The following PRORP variants were observed in gnomAD, a reference collection of about 807,000 sequenced individuals.
PRORP encodes protein only RNase P catalytic subunit.
In PRORP, 51 loss-of-function variants were observed where a neutral mutation model predicts 59.4. The ratio of observed to expected loss-of-function variants is 0.86; its 90% CI spans 0.69 to 1.08. The LOEUF (loss-of-function observed/expected upper bound fraction) is 1.08, where lower values mean the gene tolerates loss of function less well. Among genes scored for constraint, PRORP ranks in the 50% least tolerant of loss-of-function variants. The pLI, the probability that PRORP is intolerant of heterozygous loss-of-function variation, is 0.00. For missense variants in PRORP, 646 were observed against 690.3 expected (o/e 0.94, Z 0.72); for synonymous variants, 231 against 245.6 (o/e 0.94, Z 0.55).
chr14:35,149,052 G>A (rs2047679462), intron 4 of PRORP, among the ~76,000 whole-genome samples: 2 of 147,598 alleles, frequency 1.4e-5, no homozygotes, highest in African/African-American at 5.0e-5. Flanking sequence ...CCGAGTAGCT[G>A]GGACAACAGG....
At chr14:35,164,792 C>T (rs2048142998) in intron 4 of PRORP, among the ~76,000 whole-genome samples, 1 of 152,032 alleles carries the variant, frequency 6.6e-6, no homozygotes, top group Non-Finnish European at 1.5e-5. Context: ...AAGAAAAATC[C>T]TTCATTAGAC....
At chr14:35,200,839 T>A (rs907344553) in intron 5 of PRORP, among the ~76,000 whole-genome samples, 2 of 152,184 alleles carry the variant, frequency 1.3e-5, no homozygotes, top group African/African-American at 4.8e-5. Context: ...AGTGAACCAA[T>A]ATTGATATAT....
chr14:35,223,672 G>A (rs2049857093), intron 5 of PRORP, among the ~76,000 whole-genome samples: 1 of 151,932 alleles, frequency 6.6e-6, no homozygotes, highest in African/African-American at 2.4e-5. Context: ...TGTTAGCCAG[G>A]ATGGTCTTGA....
chr14:35,218,459 TAAAAAAAGA>T (rs1273532008), intron 5 of PRORP, among the ~76,000 whole-genome samples: 12 of 44,778 alleles, frequency 2.7e-4, no homozygotes, highest in Middle Eastern at 0.025. Flanking sequence ...AGATCCTGTC[TAAAAAAAGA>T]AAAAAAAAAA....
intron 5 of PRORP, among the ~76,000 whole-genome samples, chr14:35,248,739 A>T (rs537232429): frequency 1.3e-5 from 2 of 152,378 alleles, no homozygotes; most frequent in South Asian, 2.1e-4. Context: ...AATGTTGAAT[A>T]TAGCAGTCAC....
At chr14:35,260,315 T>C (rs947627114) in intron 5 of PRORP, among the ~76,000 whole-genome samples, 1 of 152,326 alleles carries the variant, frequency 6.6e-6, no homozygotes, top group East Asian at 1.9e-4. Flanking sequence ...CTTTCCTGTA[T>C]TAGGCTGACT....
chr14:35,212,982 G>GCA (rs1294686972), intron 5 of PRORP, among the ~76,000 whole-genome samples: 1 of 152,192 alleles, frequency 6.6e-6, no homozygotes. Context: ...TTCTCCATCA[G>GCA]CACTTGCTAC....
chr14:35,168,298 T>G (rs906990687), intron 4 of PRORP, among the ~76,000 whole-genome samples: 26 of 152,208 alleles, frequency 1.7e-4, no homozygotes, highest in Non-Finnish European at 1.5e-5. Flanking sequence ...TTTCGGCCAT[T>G]CTAGTGGGTG....
intron 5 of PRORP, among the ~76,000 whole-genome samples, chr14:35,184,868 G>T (rs2048705336): frequency 6.6e-6 from 1 of 151,900 alleles, no homozygotes; most frequent in African/African-American, 2.4e-5. Flanking sequence ...TCTTTTTTTG[G>T]CTGCATAGTA....
At chr14:35,175,360 C>T (rs1006466397) in intron 4 of PRORP, among the ~76,000 whole-genome samples, 2 of 152,048 alleles carry the variant, frequency 1.3e-5, no homozygotes, top group Admixed American at 1.3e-4. Context: ...GTCCCACCAA[C>T]AGTGTAAAAG....
At chr14:35,121,914 T>G, upstream of PRORP, 1 of 1,613,906 alleles carries the variant, frequency 6.2e-7, no homozygotes, top group Non-Finnish European at 8.5e-7. Context: ...TTTGGACAGG[T>G]GTTGGGCGTC....
intron 5 of PRORP, among the ~76,000 whole-genome samples, chr14:35,256,153 A>G (rs976518756): frequency 2.4e-4 from 36 of 150,224 alleles, no homozygotes; most frequent in South Asian, 1.5e-3. Context: ...GCGTGGTGGC[A>G]GGCACCTGTA....
At chr14:35,162,092 A>C (rs1445982397) in intron 4 of PRORP, among the ~76,000 whole-genome samples, 2 of 151,916 alleles carry the variant, frequency 1.3e-5, no homozygotes, top group Non-Finnish European at 2.9e-5. Flanking sequence ...AGCTGTATGG[A>C]ATGACCATAA....
In PRORP at chr14:35,229,498, A is replaced by G. The variant is rs1263582811; in HGVS notation, c.1276-37229A>G. ...TGGTGAAAGGTAAAGGTCCAGTTTC[A>G]TTCTCCTGCTATGACTGGCCAGCTA... On this transcript the variant is annotated intron_variant, in intron 5 of 7. Transcript: ENST00000534898. 4.6e-5 allele frequency among the ~76,000 whole-genome samples: 7 copies of G among 152,314 alleles called. No homozygotes were observed. In the South Asian group the frequency reaches 6.2e-4, roughly 14 times the overall value.
intron 5 of PRORP, among the ~76,000 whole-genome samples, chr14:35,210,480 A>T (rs2049409619): frequency 6.6e-6 from 1 of 151,562 alleles, no homozygotes; most frequent in African/African-American, 2.4e-5. Context: ...TGTAGTTAGG[A>T]GTTTTATTCA....
chr14:35,231,478 G>A (rs907314823), intron 5 of PRORP, among the ~76,000 whole-genome samples: 1 of 152,064 alleles, frequency 6.6e-6, no homozygotes, highest in African/African-American at 2.4e-5. Flanking sequence ...TTTTGTATTT[G>A]TTTGGCTTTG....
At chr14:35,135,989 A>C (rs2047363101) in intron 4 of PRORP, among the ~76,000 whole-genome samples, 1 of 151,948 alleles carries the variant, frequency 6.6e-6, no homozygotes, top group Non-Finnish European at 1.5e-5. Flanking sequence ...TTTAAGCAAA[A>C]GTATGATATG....
intron 4 of PRORP, among the ~76,000 whole-genome samples, chr14:35,178,286 C>T (rs2048506563): frequency 3.3e-5 from 5 of 152,126 alleles, no homozygotes; most frequent in African/African-American, 9.7e-5. Context: ...GAGTTCAATT[C>T]CTGGATATCC....
At chr14:35,178,997 T>C (rs747201949) in intron 4 of PRORP, among the ~76,000 whole-genome samples, 4 of 152,216 alleles carry the variant, frequency 2.6e-5, no homozygotes, top group Non-Finnish European at 5.9e-5. Flanking sequence ...CCTCCACTTA[T>C]GAAGCTTAGT....
Sources: allele counts gnomAD v4.1 joint callset (sites outside exome capture counted in the v4.1 genomes callset), GRCh38; gene constraint gnomAD v4.1.1; transcripts MANE v1.5; gene names NCBI Gene and HGNC (gene_info 2026-07-23, HGNC 2026-07-21).